PLD5: variants seen among roughly 807,000 people sequenced by gnomAD.
PLD5 encodes phospholipase D family member 5.
A neutral mutation model predicts 61.1 loss-of-function variants in PLD5; 36 were observed. The ratio of observed to expected loss-of-function variants is 0.59; its 90% CI spans 0.45 to 0.78. The LOEUF is 0.78. PLD5 is among the 30% of genes least tolerant of loss of function. PLD5 has a pLI of 0.00. For missense variants in PLD5, 515 were observed against 644.4 expected, an observed-to-expected ratio of 0.80 and a Z score of 2.17; for synonymous variants, 243 against 242.8, an observed-to-expected ratio of 1.00 and a Z score of -0.01.
intron 1 of PLD5, among the ~76,000 whole-genome samples, chr1:242,478,860 T>G (rs1299458219): frequency 1.3e-5 from 2 of 152,230 alleles, no homozygotes; most frequent in African/African-American, 4.8e-5. Context: ...ACAGCAATAT[T>G]CAAACTCATG....
At position 242,089,406 on chromosome 1, in the gene PLD5, A is replaced by G; in HGVS notation, c.*448T>C. 5.0e-6 allele frequency: 2 copies of G among 400,926 alleles called. No homozygotes were observed. The highest frequency in any genetic ancestry group is 4.3e-5 in the Admixed American group (1 of 23,408). The allele number at this position is 400,926 out of a possible 1,614,324, so 24.8% of individuals were successfully genotyped here. A position where few individuals can be genotyped will look rare whatever the true frequency, so the allele number is the denominator to read the frequency against. On this transcript the variant is annotated 3_prime_UTR_variant, in exon 10 of 10. Transcript: ENST00000536534. ...GCTGACTGTGTAGGTCTTGGAGACG[A>G]TTTACAAGAATAAACACTTGGTTTT...
chr1:242,207,828 A>ATATATTTATATATATT (rs1669462461), intron 5 of PLD5, among the ~76,000 whole-genome samples: 1 of 56,836 alleles, frequency 1.8e-5, no homozygotes, highest in African/African-American at 7.5e-5. Flanking sequence ...ATATATTTAT[A>ATATATTTATATATATT]TATATTTATA....
At chr1:242,498,251 C>T (rs1668440514) in intron 1 of PLD5, among the ~76,000 whole-genome samples, 2 of 152,226 alleles carry the variant, frequency 1.3e-5, no homozygotes, top group South Asian at 2.1e-4. Flanking sequence ...GCGTGAGCCA[C>T]CGCACCTGGC....
chr1:242,418,370 T>C (rs1383260587), intron 1 of PLD5, among the ~76,000 whole-genome samples: 2 of 152,160 alleles, frequency 1.3e-5, no homozygotes, highest in Non-Finnish European at 2.9e-5. Flanking sequence ...ATCAAACGAA[T>C]AGACAATTGG....
intron 2 of PLD5, among the ~76,000 whole-genome samples, chr1:242,304,525 A>G (rs1461161957): frequency 6.6e-6 from 1 of 152,230 alleles, no homozygotes; most frequent in African/African-American, 2.4e-5. Context: ...AGATAATGAT[A>G]TAAGTTCTGC....
chr1:242,202,973 C>T (rs1669076325), intron 5 of PLD5, among the ~76,000 whole-genome samples: 2 of 152,032 alleles, frequency 1.3e-5, no homozygotes, highest in Non-Finnish European at 2.9e-5. Context: ...GGAAAATTAG[C>T]TGGATCGTAT....
At chr1:242,402,882 A>AC (rs1289079082) in intron 1 of PLD5, among the ~76,000 whole-genome samples, 1 of 152,230 alleles carries the variant, frequency 6.6e-6, no homozygotes, top group Non-Finnish European at 1.5e-5. Context: ...TCCTTTAAGA[A>AC]CCAAAAACAG....
chr1:242,429,807 T>C (rs1261197782), intron 1 of PLD5, among the ~76,000 whole-genome samples: 4 of 152,210 alleles, frequency 2.6e-5, no homozygotes, highest in African/African-American at 9.6e-5. Flanking sequence ...TAACGTTCAT[T>C]GACTCTACTC....
At chr1:242,287,441 C>T (rs552726023) in intron 3 of PLD5, among the ~76,000 whole-genome samples, 29 of 152,288 alleles carry the variant, frequency 1.9e-4, no homozygotes, top group Non-Finnish European at 3.8e-4. Context: ...TTAGTAAACT[C>T]ATTCCATTCT....
chr1:242,394,883 TA>T (rs1469323943), intron 1 of PLD5, among the ~76,000 whole-genome samples: 1 of 105,832 alleles, frequency 9.4e-6, no homozygotes, highest in African/African-American at 3.8e-5. Flanking sequence ...TATATGAATA[TA>T]TGTATATATA....
Position 242,494,530 on chromosome 1 carries a change from C to T in PLD5, c.189+29558G>A, listed in dbSNP as rs575065839. On this transcript the variant is annotated intron_variant, in intron 1 of 9. Coordinates refer to ENST00000536534, the MANE Select transcript of PLD5 (RefSeq NM_001372062.1). Reference sequence around the variant, plus strand: ...GACTCTCACTGTGTACCTCCTGGAGCACACATCTCCCCGCCTCTAGCCAAC... The same window carrying T: ...GACTCTCACTGTGTACCTCCTGGAGTACACATCTCCCCGCCTCTAGCCAAC... Among the ~76,000 whole-genome samples, 19 of 152,242 alleles carry T rather than the reference C, an allele frequency of 1.2e-4. No individual in the cohort carries two copies. In the South Asian group the frequency reaches 3.9e-3, roughly 32 times the overall value.
At chr1:242,219,682 A>C (rs972743652) in intron 5 of PLD5, among the ~76,000 whole-genome samples, 3 of 152,190 alleles carry the variant, frequency 2.0e-5, no homozygotes, top group Non-Finnish European at 4.4e-5. Flanking sequence ...AGATGATGTA[A>C]TATCATCCTG....
At chr1:242,139,105 G>A (rs1009586008) in intron 5 of PLD5, among the ~76,000 whole-genome samples, 1 of 152,028 alleles carries the variant, frequency 6.6e-6, no homozygotes, top group African/African-American at 2.4e-5. Flanking sequence ...ACACTGCAAG[G>A]GTTTTCAGGT....
chr1:242,470,529 A>C (rs1667420093), intron 1 of PLD5, among the ~76,000 whole-genome samples: 4 of 152,128 alleles, frequency 2.6e-5, no homozygotes, highest in Admixed American at 2.6e-4. Flanking sequence ...AGAATCATAA[A>C]ACCAACCATG....
intron 1 of PLD5, among the ~76,000 whole-genome samples, chr1:242,509,777 C>T (rs1668845441): frequency 6.6e-6 from 1 of 152,190 alleles, no homozygotes; most frequent in African/African-American, 2.4e-5. Flanking sequence ...AATACGCCAA[C>T]ACTCTTGGTG....
intron 1 of PLD5, among the ~76,000 whole-genome samples, chr1:242,357,027 C>T (rs1660788890): frequency 6.8e-6 from 1 of 146,558 alleles, no homozygotes; most frequent in South Asian, 2.3e-4. Context: ...AGGTTTTGTG[C>T]TTTTCTAAAT....
intron 4 of PLD5, among the ~76,000 whole-genome samples, chr1:242,250,263 T>C (rs1558396801): frequency 1.3e-5 from 2 of 152,210 alleles, no homozygotes; most frequent in Non-Finnish European, 2.9e-5. Context: ...CACTGTTTAT[T>C]CAACTAACAT....
At chr1:242,486,147 A>T in intron 1 of PLD5, among the ~76,000 whole-genome samples, 1 of 152,174 alleles carries the variant, frequency 6.6e-6, no homozygotes, top group East Asian at 1.9e-4. Flanking sequence ...TTCAGGACAT[A>T]GGCATGGGCA....
intron 1 of PLD5, among the ~76,000 whole-genome samples, chr1:242,466,410 C>T (rs761176447): frequency 1.3e-5 from 2 of 151,968 alleles, no homozygotes; most frequent in African/African-American, 4.8e-5. Context: ...CAATTAGGGA[C>T]AGGTTCAAAA....
Sources: gnomAD v4.1 joint callset for allele counts (sites outside exome capture counted in the v4.1 genomes callset) on GRCh38, gnomAD v4.1.1 for gene constraint, MANE v1.5 for transcripts, NCBI Gene and HGNC (gene_info 2026-07-23, HGNC 2026-07-21) for gene names.